The following E2F3 variants were observed in gnomAD, a reference collection of about 807,000 sequenced individuals.
The protein encoded by E2F3 is E2F transcription factor 3.
E2F3 carries 11 observed loss-of-function variants against 44.4 expected under a neutral mutation model. That is an observed-to-expected ratio of 0.25 (90% confidence interval 0.16 to 0.41). The LOEUF is 0.41. Ranked by LOEUF, E2F3 falls within the 10% of genes least tolerant of loss-of-function variation. The pLI is 1.00. For synonymous variants in E2F3, 249 were observed against 253.0 expected (o/e 0.98, Z 0.15); for missense variants, 487 against 583.6 (o/e 0.83, Z 1.70).
At chr6:20,411,633 G>A (rs1412157937) in intron 1 of E2F3, among the ~76,000 whole-genome samples, 1 of 152,150 alleles carries the variant, frequency 6.6e-6, no homozygotes, top group Non-Finnish European at 1.5e-5. Flanking sequence ...TGGTGCTGCA[G>A]GCACCGCAGA....
intron 1 of E2F3, among the ~76,000 whole-genome samples, chr6:20,453,646 G>T: frequency 6.6e-6 from 1 of 152,004 alleles, no homozygotes. Flanking sequence ...TCCTGGGCTC[G>T]GGCGATCCTA....
intron 1 of E2F3, among the ~76,000 whole-genome samples, chr6:20,444,397 T>A (rs1760871293): frequency 6.6e-6 from 1 of 152,222 alleles, no homozygotes; most frequent in Non-Finnish European, 1.5e-5. Context: ...ATTCAAATCT[T>A]TGAATTCCAT....
At chr6:20,484,285 A>G (rs1235461257) in intron 4 of E2F3, among the ~76,000 whole-genome samples, 1 of 152,240 alleles carries the variant, frequency 6.6e-6, no homozygotes, top group African/African-American at 2.4e-5. Context: ...AGTTTGTAAG[A>G]TTAGAAAATA....
intron 1 of E2F3, among the ~76,000 whole-genome samples, chr6:20,440,454 G>T (rs1218265076): frequency 6.6e-6 from 1 of 152,170 alleles, no homozygotes; most frequent in Non-Finnish European, 1.5e-5. Context: ...AAAGAGAGAG[G>T]AAAACTTGGC....
At chr6:20,446,152 T>G (rs192625929) in intron 1 of E2F3, among the ~76,000 whole-genome samples, 287 of 152,270 alleles carry the variant, frequency 1.9e-3, no homozygotes, top group Middle Eastern at 3.4e-3. Flanking sequence ...TTTTTCCTCA[T>G]TAATGTTATA....
chr6:20,410,724 T>G (rs1299108399), intron 1 of E2F3, among the ~76,000 whole-genome samples: 3 of 152,198 alleles, frequency 2.0e-5, no homozygotes, highest in Non-Finnish European at 4.4e-5. Flanking sequence ...GTTCAGCCGA[T>G]TCTCCTGCCT....
At chr6:20,413,266 G>A (rs747872154) in intron 1 of E2F3, among the ~76,000 whole-genome samples, 1 of 150,670 alleles carries the variant, frequency 6.6e-6, no homozygotes, top group Non-Finnish European at 1.5e-5. Context: ...AGATTCCCAG[G>A]CTCCATCCCT....
chr6:20,475,587 C>T (rs1313475805), intron 1 of E2F3, among the ~76,000 whole-genome samples: 1 of 152,182 alleles, frequency 6.6e-6, no homozygotes, highest in Non-Finnish European at 1.5e-5. Context: ...CACCAACCTC[C>T]ACCTCCCAGG....
chr6:20,464,072 C>G (rs1381499557), intron 1 of E2F3, among the ~76,000 whole-genome samples: 1 of 152,178 alleles, frequency 6.6e-6, no homozygotes, highest in Non-Finnish European at 1.5e-5. Context: ...GAGTGTGGAG[C>G]TTCCATGCCC....
At chr6:20,439,113 T>C (rs1561861119) in intron 1 of E2F3, among the ~76,000 whole-genome samples, 1 of 152,240 alleles carries the variant, frequency 6.6e-6, no homozygotes, top group Admixed American at 6.5e-5. Context: ...TCAAAACTTA[T>C]CTCAAATTCT....
At chr6:20,452,387 A>G (rs1010872545) in intron 1 of E2F3, 1 of 151,868 alleles carries the variant, frequency 6.6e-6, no homozygotes, top group Non-Finnish European at 1.5e-5. Context: ...GGAATGCTTC[A>G]CAAATATGCC....
intron 1 of E2F3, among the ~76,000 whole-genome samples, chr6:20,434,876 A>T (rs1581596880): frequency 6.6e-6 from 1 of 152,228 alleles, no homozygotes; most frequent in Admixed American, 6.5e-5. Context: ...AGGCACACGC[A>T]TAAAATGAGA....
chr6:20,472,657 C>A (rs1037150347), intron 1 of E2F3, among the ~76,000 whole-genome samples: 3 of 152,094 alleles, frequency 2.0e-5, no homozygotes, highest in African/African-American at 2.4e-5. Flanking sequence ...CAAAGCTAGA[C>A]CCTGTCTCTA....
At chr6:20,445,401 A>G (rs886810844) in intron 1 of E2F3, among the ~76,000 whole-genome samples, 1 of 152,106 alleles carries the variant, frequency 6.6e-6, no homozygotes, top group Middle Eastern at 3.4e-3. Context: ...CACCAAGCCC[A>G]GCTAATTTTT....
At chr6:20,415,867 T>C (rs1347825822) in intron 1 of E2F3, among the ~76,000 whole-genome samples, 1 of 152,178 alleles carries the variant, frequency 6.6e-6, no homozygotes, top group African/African-American at 2.4e-5. Context: ...GAAGAAAGGA[T>C]CAAAGTCTGC....
chr6:20,431,511 G>A (rs894923046), intron 1 of E2F3, among the ~76,000 whole-genome samples: 3 of 152,112 alleles, frequency 2.0e-5, no homozygotes, highest in Admixed American at 6.5e-5. Flanking sequence ...CTGTGAGTCG[G>A]AGGGGGGTCA....
chr6:20,404,108 A>T (rs534793255), intron 1 of E2F3, among the ~76,000 whole-genome samples: 86 of 127,078 alleles, frequency 6.8e-4, no homozygotes, highest in African/African-American at 2.1e-3. Flanking sequence ...GGCGATAGAA[A>T]ACCGGAGGGG....
intron 4 of E2F3, among the ~76,000 whole-genome samples, chr6:20,485,234 C>T (rs559357013): frequency 1.3e-5 from 2 of 152,020 alleles, no homozygotes; most frequent in Non-Finnish European, 2.9e-5. Flanking sequence ...TCATGATAGC[C>T]TTTTAGGCTT....
chr6:20,439,530 A>AT (rs1228246371), intron 1 of E2F3, among the ~76,000 whole-genome samples: 2 of 151,844 alleles, frequency 1.3e-5, no homozygotes, highest in Non-Finnish European at 2.9e-5. Context: ...TTTTCCTCCC[A>AT]TTTTTTCTTT....
Sources: gnomAD v4.1 joint callset for allele counts (sites outside exome capture counted in the v4.1 genomes callset) on GRCh38, gnomAD v4.1.1 for gene constraint, MANE v1.5 for transcripts, NCBI Gene and HGNC (gene_info 2026-07-23, HGNC 2026-07-21) for gene names.